CACNA1D: variants seen among roughly 807,000 people sequenced by gnomAD.
CACNA1D encodes calcium voltage-gated channel subunit alpha1 D, also known as voltage-dependent L-type calcium channel subunit alpha-1D.
A neutral mutation model predicts 257.1 loss-of-function variants in CACNA1D; 55 were observed. That is an observed-to-expected ratio of 0.21 (90% CI 0.17 to 0.27). CACNA1D has a LOEUF of 0.27. CACNA1D is among the 10% of genes least tolerant of loss of function. The pLI is 1.00. For synonymous variants in CACNA1D, 980 were observed against 1,014.9 expected (o/e 0.97, Z 0.65); for missense variants, 1,876 against 2,784.0 (o/e 0.67, Z 7.34).
intron 31 of CACNA1D, 130 bp downstream of exon 31, chr3:53,770,147 A>T: frequency 2.4e-6 from 2 of 847,572 alleles, no homozygotes; most frequent in East Asian, 4.8e-5. Context: ...AGTGGTTTGC[A>T]TTCATCATCA....
chr3:53,737,550 C>T (rs533499379), intron 20 of CACNA1D, among the ~76,000 whole-genome samples: 1 of 152,274 alleles, frequency 6.6e-6, no homozygotes, highest in South Asian at 2.1e-4. Context: ...GGACCGGGAG[C>T]AGTGGCTCAT....
rs747229489 is a variant in CACNA1D, at chr3:53,774,560, C to CT, written c.4111-22dup. On this transcript the variant is annotated intron_variant, in intron 33 of 47. Transcript: ENST00000350061. This position sits in a 1 kb window ranked among gnomAD's most constrained non-coding sequence, Gnocchi z 4.3. ...TTTTTTGCATGACGAAATCTATTCT[C>CT]TTTTTCCTGACAACTTCTCCACCTA... The CT allele has an allele frequency of 1.7e-4, 235 of 1,374,734 alleles. 3 individuals carry two copies. The East Asian group carries it at 2.6e-3, about 15-fold the overall frequency. 85.2% of individuals were successfully genotyped at this position (1,374,734 alleles called of 1,614,324 possible). A position where few individuals can be genotyped will look rare whatever the true frequency, so the allele number is the denominator to read the frequency against.
chr3:53,625,655 TTTATTAA>T (rs2093749756), intron 3 of CACNA1D, among the ~76,000 whole-genome samples: 1 of 152,248 alleles, frequency 6.6e-6, no homozygotes, highest in African/African-American at 2.4e-5. Context: ...CATTTATTGT[TTTATTAA>T]TTATTAAGTG....
At chr3:53,761,340 C>A (rs2095300531) in intron 29 of CACNA1D, among the ~76,000 whole-genome samples, 1 of 152,132 alleles carries the variant, frequency 6.6e-6, no homozygotes, top group African/African-American at 2.4e-5. Flanking sequence ...CACTAAGCAC[C>A]ACCCCCATGA....
intron 3 of CACNA1D, among the ~76,000 whole-genome samples, chr3:53,594,561 A>G (rs1404356305): frequency 2.6e-5 from 4 of 152,230 alleles, no homozygotes; most frequent in African/African-American, 9.6e-5. Flanking sequence ...GTAGGAAAGA[A>G]AGGGAGGTTA....
rs1035975139 is a variant in CACNA1D, at chr3:53,747,360, A to G, written c.3226A>G (p.Ile1076Val). 6.2e-7 allele frequency: 1 copy of G among 1,614,032 alleles called. No homozygotes were observed. Among genetic ancestry groups the G allele is most frequent in the African/African-American group, 1.3e-5 (1 of 75,048 alleles). ...TGACAGTCCTGTGGTCCGTGAACGGATCTGGCAAAACAGTGATTTCAACTT... is the reference window on the plus strand; with the variant it reads ...TGACAGTCCTGTGGTCCGTGAACGGGTCTGGCAAAACAGTGATTTCAACTT... ...DVDSPVVRER[I>V]WQNSDFNFDN... Residue 1076 changes from isoleucine to valine, a missense_variant, in exon 26 of 48, where the codon ATC becomes GTC. Coordinates refer to ENST00000350061, the MANE Select transcript of CACNA1D (RefSeq NM_001128840.3).
At chr3:53,674,094 G>C in intron 8 of CACNA1D, 1 of 536,456 alleles carries the variant, frequency 1.9e-6, no homozygotes, top group Non-Finnish European at 3.4e-6. Context: ...TTACAAGTGA[G>C]TTAAAGGAAT....
chr3:53,723,517 G>C lies in CACNA1D; in HGVS notation c.1750G>C (p.Val584Leu). The change falls in exon 13 of 48, where the codon GTC (valine) becomes CTC (leucine). Residue 584 changes from valine (V) to leucine (L), a missense_variant. Transcript: ENST00000350061. This position sits in a 1 kb window ranked among gnomAD's most constrained non-coding sequence, Gnocchi z 5.6. ...CAGCTTGGGCCTCCAAGCATATTTCGTCTCTCTTTTCAACCGGTTTGATTG... is the reference window on the plus strand; with the variant it reads ...CAGCTTGGGCCTCCAAGCATATTTCCTCTCTCTTTTCAACCGGTTTGATTG... Reference protein sequence around the residue: ...MYSLGLQAYFVSLFNRFDCFV... With the variant: ...MYSLGLQAYFLSLFNRFDCFV... 6.2e-7 allele frequency: 1 copy of C among 1,614,034 alleles called. No individual in the cohort carries two copies. Among genetic ancestry groups the C allele is most frequent in the Non-Finnish European group, 8.5e-7 (1 of 1,179,992 alleles).
intron 3 of CACNA1D, among the ~76,000 whole-genome samples, chr3:53,639,971 C>T (rs1165866451): frequency 1.3e-5 from 2 of 149,824 alleles, no homozygotes; most frequent in South Asian, 2.1e-4. Context: ...AAACAATTCT[C>T]ATGCCTCAGC....
At chr3:53,649,449 A>G (rs2108265121) in intron 3 of CACNA1D, among the ~76,000 whole-genome samples, 1 of 152,228 alleles carries the variant, frequency 6.6e-6, no homozygotes, top group African/African-American at 2.4e-5. Context: ...GAAGATAGAG[A>G]ATCGCTCTTG....
intron 3 of CACNA1D, among the ~76,000 whole-genome samples, chr3:53,637,036 G>A (rs112469998): frequency 0.061 from 9,225 of 151,748 alleles, 916 homozygotes; most frequent in African/African-American, 0.21. Flanking sequence ...TATTTTCCTC[G>A]CTCTTTTTTT....
chr3:53,550,470 G>A lies in CACNA1D; in HGVS notation c.483+48750G>A, dbSNP rs17053169. On this transcript the variant is annotated intron_variant, in intron 3 of 47. Coordinates refer to ENST00000350061, the MANE Select transcript of CACNA1D (RefSeq NM_001128840.3). Reference sequence around the variant, plus strand: ...ATTCCTTGACTCTTCATGAACTGTCGGCCTTCCTGTGTAAGTGGGTCAGGC... The same window carrying A: ...ATTCCTTGACTCTTCATGAACTGTCAGCCTTCCTGTGTAAGTGGGTCAGGC... Among the ~76,000 whole-genome samples the A allele has an allele frequency of 7.8e-3, 1,187 of 152,176 alleles. 88 individuals carry two copies. The South Asian group carries it at 0.16, about 20-fold the overall frequency.
intron 3 of CACNA1D, among the ~76,000 whole-genome samples, chr3:53,537,416 T>C (rs959119257): frequency 6.6e-6 from 1 of 152,194 alleles, no homozygotes; most frequent in African/African-American, 2.4e-5. Context: ...TTGAAGCAAA[T>C]CTCAGGTATA....
In CACNA1D at chr3:53,789,130, C is replaced by T. The variant is rs1016231114; in HGVS notation, c.4923+2178C>T. On this transcript the variant is annotated intron_variant, in intron 40 of 47. Transcript: ENST00000350061. This position sits in a 1 kb window ranked among gnomAD's most constrained non-coding sequence, Gnocchi z 4.2. ...TGTTGCAATAATGTTGAGGGTTTCT[C>T]CTAAACGTTTTTCATTTTATTGTTT... 6.6e-6 allele frequency among the ~76,000 whole-genome samples: 1 copy of T among 152,132 alleles called. No homozygotes were observed. The highest frequency in any genetic ancestry group is 2.4e-5 in the African/African-American group (1 of 41,426).
At chr3:53,547,546 G>A (rs1237172551) in intron 3 of CACNA1D, among the ~76,000 whole-genome samples, 3 of 152,108 alleles carry the variant, frequency 2.0e-5, no homozygotes, top group Non-Finnish European at 4.4e-5. Flanking sequence ...AGATGGGTGC[G>A]TCAGGGTTCT....
At chr3:53,693,820 GT>G in intron 8 of CACNA1D, among the ~76,000 whole-genome samples, 1 of 151,772 alleles carries the variant, frequency 6.6e-6, no homozygotes, top group South Asian at 2.1e-4. Context: ...TGTTTCGAGG[GT>G]TTTTTGTTTT....
At chr3:53,577,468 A>G (rs1465659214) in intron 3 of CACNA1D, among the ~76,000 whole-genome samples, 1 of 152,170 alleles carries the variant, frequency 6.6e-6, no homozygotes, top group Non-Finnish European at 1.5e-5. Context: ...AAGAGACAGC[A>G]TTTTTCTAAT....
intron 21 of CACNA1D, among the ~76,000 whole-genome samples, chr3:53,742,523 T>C (rs898585277): frequency 5.9e-5 from 9 of 152,096 alleles, no homozygotes; most frequent in Admixed American, 3.9e-4. Flanking sequence ...TTAGGAACAA[T>C]AAGGGGCCTC....
At chr3:53,574,052 A>C (rs1455083476) in intron 3 of CACNA1D, among the ~76,000 whole-genome samples, 1 of 152,142 alleles carries the variant, frequency 6.6e-6, no homozygotes, top group Non-Finnish European at 1.5e-5. Context: ...TTTCCATTGC[A>C]CTGTGCTCTG....
Sources: gnomAD v4.1 joint callset for allele counts (sites outside exome capture counted in the v4.1 genomes callset) on GRCh38, gnomAD v4.1.1 for gene constraint, Gnocchi (gnomAD v3.1) non-coding constraint, MANE v1.5 for transcripts, NCBI Gene and HGNC (gene_info 2026-07-23, HGNC 2026-07-21) for gene names.